The following CBLN2 variants were observed in gnomAD, a reference collection of about 807,000 sequenced individuals.
The protein encoded by CBLN2 is cerebellin 2 precursor.
A neutral mutation model predicts 15.0 loss-of-function variants in CBLN2; 7 were observed. The ratio of observed to expected loss-of-function variants is 0.47; its 90% CI spans 0.27 to 0.88. The LOEUF (loss-of-function observed/expected upper bound fraction) is 0.88. Ranked by LOEUF, CBLN2 falls within the 40% of genes least tolerant of loss-of-function variation. The pLI is 0.14. For missense variants in CBLN2, 242 were observed against 304.5 expected, an observed-to-expected ratio of 0.79 and a Z score of 1.53; for synonymous variants, 149 against 135.2, an observed-to-expected ratio of 1.10 and a Z score of -0.71.
intron 1 of CBLN2, among the ~76,000 whole-genome samples, chr18:72,611,012 G>A (rs538211788): frequency 4.2e-4 from 64 of 152,226 alleles, no homozygotes; most frequent in Non-Finnish European, 8.1e-4. Context: ...CTGTTTCTGT[G>A]TTAATTTGCT....
intron 1 of CBLN2, among the ~76,000 whole-genome samples, chr18:72,580,687 C>G (rs1036706306): frequency 6.6e-6 from 1 of 152,122 alleles, no homozygotes; most frequent in African/African-American, 2.4e-5. Context: ...TCATGCATTT[C>G]AAAGTATTTT....
chr18:72,584,825 T>C (rs921857906), intron 1 of CBLN2, among the ~76,000 whole-genome samples: 8 of 152,210 alleles, frequency 5.3e-5, no homozygotes, highest in Non-Finnish European at 1.0e-4. Flanking sequence ...CTGTGGGCAG[T>C]GGCATCTTTG....
chr18:72,540,929 C>T (rs1364218795), intron 3 of CBLN2, among the ~76,000 whole-genome samples: 3 of 152,188 alleles, frequency 2.0e-5, no homozygotes, highest in African/African-American at 7.2e-5. Context: ...TTAGCTAAAG[C>T]TTGGAAACCT....
Position 72,537,849 on chromosome 18 carries a change from T to C in CBLN2, c.*327A>G, listed in dbSNP as rs1030279898. On this transcript the variant is annotated 3_prime_UTR_variant, in exon 5 of 5. Coordinates refer to ENST00000269503, the MANE Select transcript of CBLN2 (RefSeq NM_182511.4). ...CTTCCGTTGGGACGACAATACAACA[T>C]ACAAACAAAAGAGGTCCATGGTCCC... is the stretch of plus-strand genomic sequence containing the variant. 3.6e-5 allele frequency: 13 copies of C among 365,164 alleles called. No homozygotes were observed. The highest frequency in any genetic ancestry group is 2.1e-4 in the African/African-American group (10 of 47,978). 22.6% of individuals were successfully genotyped at this position (365,164 alleles called of 1,614,324 possible).
chr18:72,610,985 A>T (rs1163611529), intron 1 of CBLN2, among the ~76,000 whole-genome samples: 2 of 152,188 alleles, frequency 1.3e-5, no homozygotes, highest in African/African-American at 4.8e-5. Context: ...AAGTGAGAAC[A>T]TGTGGTATCC....
At chr18:72,613,196 A>G (rs886840221) in intron 1 of CBLN2, among the ~76,000 whole-genome samples, 3 of 152,192 alleles carry the variant, frequency 2.0e-5, no homozygotes, top group African/African-American at 4.8e-5. Context: ...ATCTATTTCC[A>G]TACGTGATCA....
rs34143169 is a variant in CBLN2, at chr18:72,552,390, C to CT, written c.16-13619dup. On this transcript the variant is annotated intron_variant, in intron 1 of 2. Transcript: ENST00000581073. ...TAAGCCACTGAGCCCGGCCAAAATA[C>CT]TTTTTTTTTAATAGAAGAAATAGAT... Among the ~76,000 whole-genome samples, 723 of 151,060 alleles carry CT rather than the reference C, an allele frequency of 4.8e-3. 7 individuals are homozygous for CT. Among genetic ancestry groups the CT allele is most frequent in the African/African-American group, 0.015 (610 of 41,198 alleles).
chr18:72,566,357 T>C (rs911641295), intron 1 of CBLN2, among the ~76,000 whole-genome samples: 2 of 152,158 alleles, frequency 1.3e-5, no homozygotes, highest in Non-Finnish European at 2.9e-5. Flanking sequence ...TCAGAGACAT[T>C]TGCACTCTCA....
upstream of CBLN2, chr18:72,544,394 C>G (rs1024044765): frequency 1.2e-4 from 19 of 152,172 alleles, no homozygotes. Flanking sequence ...TGTCCGCGCT[C>G]GCTCAAAGGA....
chr18:72,602,556 C>A (rs757375046), intron 1 of CBLN2, among the ~76,000 whole-genome samples: 1 of 152,050 alleles, frequency 6.6e-6, no homozygotes, highest in Non-Finnish European at 1.5e-5. Context: ...TCTTGGCAGC[C>A]GTCCCCAGTC....
intron 1 of CBLN2, among the ~76,000 whole-genome samples, chr18:72,550,529 G>A (rs761575095): frequency 2.0e-5 from 3 of 152,080 alleles, no homozygotes; most frequent in East Asian, 1.9e-4. Flanking sequence ...CTACGGAGGC[G>A]GCGGAAAGAA....
chr18:72,587,565 T>A (rs1182180430), intron 1 of CBLN2, among the ~76,000 whole-genome samples: 1 of 152,196 alleles, frequency 6.6e-6, no homozygotes, highest in Non-Finnish European at 1.5e-5. Flanking sequence ...ATTTCTAATA[T>A]GTGTTGTTTA....
chr18:72,558,954 CGGGGTGGGG>C (rs2069243348), intron 1 of CBLN2, among the ~76,000 whole-genome samples: 1 of 152,084 alleles, frequency 6.6e-6, no homozygotes, highest in African/African-American at 2.4e-5. Context: ...ACTCTGGAGT[CGGGGTGGGG>C]AGAATCACCT....
At chr18:72,581,324 A>T (rs577782865) in intron 1 of CBLN2, among the ~76,000 whole-genome samples, 74 of 152,338 alleles carry the variant, frequency 4.9e-4, no homozygotes, top group African/African-American at 1.7e-3. Context: ...TTCTGCAATG[A>T]TTATAACAAT....
Position 72,538,752 on chromosome 18 carries a change from G to A in CBLN2, c.378C>T (p.Asn126=). Residue 126 remains asparagine (N), a synonymous_variant, in exon 4 of 5, where the codon AAC becomes AAT. Transcript: ENST00000269503. ...YFDQVLVNIG[N]HFDLASSIFV... is the part of the protein sequence containing the mutation. The stretch of plus-strand genomic sequence containing the variant: ...ATATACTGGAAGCAAGATCAAAGTG[G>A]TTGCCAATATTTACTAATACCTGAA... The A allele has an allele frequency of 6.2e-7, 1 of 1,613,684 alleles. No individual in the cohort carries two copies. Among genetic ancestry groups the A allele is most frequent in the Non-Finnish European group, 8.5e-7 (1 of 1,179,974 alleles).
upstream of CBLN2, among the ~76,000 whole-genome samples, chr18:72,546,121 T>C (rs1220406423): frequency 6.6e-6 from 1 of 152,188 alleles, no homozygotes; most frequent in Non-Finnish European, 1.5e-5. Context: ...ATTCATTGAT[T>C]AATTAGTTGT....
chr18:72,636,852 A>G (rs908931696), intron 1 of CBLN2, among the ~76,000 whole-genome samples: 3 of 152,148 alleles, frequency 2.0e-5, no homozygotes, highest in African/African-American at 7.2e-5. Context: ...TCATGACTTG[A>G]AATTTTATAG....
chr18:72,601,096 C>T (rs1568128499), intron 1 of CBLN2, among the ~76,000 whole-genome samples: 1 of 152,172 alleles, frequency 6.6e-6, no homozygotes, highest in Non-Finnish European at 1.5e-5. Context: ...AGAATTCTGG[C>T]CCTTCTCATA....
At chr18:72,547,338 G>A (rs1193527503), upstream of CBLN2, among the ~76,000 whole-genome samples, 1 of 152,148 alleles carries the variant, frequency 6.6e-6, no homozygotes, top group African/African-American at 2.4e-5. Flanking sequence ...ACAGATGTTA[G>A]AAGCTCAGAA....
Sources: gnomAD v4.1 joint callset for allele counts (sites outside exome capture counted in the v4.1 genomes callset) on GRCh38, gnomAD v4.1.1 for gene constraint, MANE v1.5 for transcripts, NCBI Gene and HGNC (gene_info 2026-07-23, HGNC 2026-07-21) for gene names.